Variants in NDST4 observed in about 807,000 individuals in gnomAD.
NDST4 encodes N-deacetylase and N-sulfotransferase 4.
In NDST4, 63 loss-of-function variants were observed where a neutral mutation model predicts 100.8. That is an observed-to-expected ratio of 0.62 (90% CI 0.51 to 0.77). The LOEUF (loss-of-function observed/expected upper bound fraction) is 0.77, where lower values mean the gene tolerates loss of function less well. Ranked by LOEUF, NDST4 falls within the 30% of genes least tolerant of loss-of-function variation. NDST4 has a pLI of 0.00. For missense variants in NDST4, 943 were observed against 1,018.4 expected, an observed-to-expected ratio of 0.93 and a Z score of 1.01; for synonymous variants, 377 against 361.8, an observed-to-expected ratio of 1.04 and a Z score of -0.48.
At chr4:114,839,651 T>A (rs2126183408) in intron 10 of NDST4, 103 bp from the exon 11 acceptor site, 2 of 884,288 alleles carry the variant, frequency 2.3e-6, no homozygotes, top group East Asian at 5.0e-5. Context: ...TTGGTGTGTA[T>A]GTATAAATGT....
intron 3 of NDST4, among the ~76,000 whole-genome samples, chr4:114,975,266 A>G (rs1031593943): frequency 3.3e-5 from 5 of 152,078 alleles, no homozygotes; most frequent in African/African-American, 1.2e-4. Flanking sequence ...TGAAGTAAAT[A>G]TATCCATTAA....
intron 7 of NDST4, among the ~76,000 whole-genome samples, chr4:114,853,043 C>T (rs1413929877): frequency 6.6e-6 from 1 of 152,128 alleles, no homozygotes; most frequent in African/African-American, 2.4e-5. Flanking sequence ...CTGTTGTTAT[C>T]ATCTTTCAGT....
At chr4:115,088,866 A>T (rs941273645) in intron 1 of NDST4, among the ~76,000 whole-genome samples, 1 of 152,030 alleles carries the variant, frequency 6.6e-6, no homozygotes, top group Non-Finnish European at 1.5e-5. Context: ...ACTACCTCAA[A>T]AAAGTCACCC....
At chr4:115,003,608 C>T (rs1256901283) in intron 2 of NDST4, among the ~76,000 whole-genome samples, 1 of 152,030 alleles carries the variant, frequency 6.6e-6, no homozygotes, top group Non-Finnish European at 1.5e-5. Context: ...TGGCTCACGC[C>T]TGTAATCCCA....
intron 2 of NDST4, among the ~76,000 whole-genome samples, chr4:115,044,211 T>C (rs1728413617): frequency 6.6e-6 from 1 of 152,148 alleles, no homozygotes; most frequent in Non-Finnish European, 1.5e-5. Context: ...GTAGGCTAGA[T>C]ATGCTACAGA....
chr4:114,921,915 CTCT>C (rs142140949), intron 6 of NDST4, among the ~76,000 whole-genome samples: 3,134 of 152,128 alleles, frequency 0.021, 100 homozygotes, highest in African/African-American at 0.071. Context: ...TTCTCTCCTC[CTCT>C]TTTCTTGACT....
chr4:115,097,558 T>G (rs1030094551), intron 1 of NDST4, among the ~76,000 whole-genome samples: 2 of 152,152 alleles, frequency 1.3e-5, no homozygotes, highest in African/African-American at 4.8e-5. Flanking sequence ...ACAATTCCCA[T>G]GGCTATCACC....
intron 2 of NDST4, among the ~76,000 whole-genome samples, chr4:115,028,027 T>A (rs1728027074): frequency 6.6e-6 from 1 of 150,472 alleles, no homozygotes; most frequent in Non-Finnish European, 1.5e-5. Context: ...ACCATTACAC[T>A]CCAGCCTGGG....
At chr4:114,860,409 G>A (rs1308682641) in intron 7 of NDST4, among the ~76,000 whole-genome samples, 2 of 152,038 alleles carry the variant, frequency 1.3e-5, no homozygotes, top group Non-Finnish European at 2.9e-5. Flanking sequence ...CAGCTAGAGA[G>A]TATATTTCAC....
chr4:114,963,558 G>T (rs543628315), intron 4 of NDST4, among the ~76,000 whole-genome samples: 1 of 152,150 alleles, frequency 6.6e-6, no homozygotes, highest in Non-Finnish European at 1.5e-5. Flanking sequence ...TACACTTTAC[G>T]TGGGTGAACC....
chr4:114,917,071 C>A (rs1021737272), intron 6 of NDST4, among the ~76,000 whole-genome samples: 3 of 152,066 alleles, frequency 2.0e-5, no homozygotes, highest in Non-Finnish European at 2.9e-5. Context: ...ATGCTCAAGT[C>A]CCTCACATAA....
At chr4:115,010,112 G>C (rs1302637343) in intron 2 of NDST4, among the ~76,000 whole-genome samples, 1 of 125,320 alleles carries the variant, frequency 8.0e-6, no homozygotes, top group African/African-American at 3.1e-5. Context: ...TTCGACCATT[G>C]TGGAAGTCAG....
chr4:114,833,075 A>G (rs572230470), intron 12 of NDST4, among the ~76,000 whole-genome samples: 2 of 152,352 alleles, frequency 1.3e-5, no homozygotes, highest in African/African-American at 4.8e-5. Context: ...CCATGAGCAT[A>G]ATAAAATAAT....
At chr4:115,078,013 C>A (rs1441289753) in intron 1 of NDST4, among the ~76,000 whole-genome samples, 1 of 152,156 alleles carries the variant, frequency 6.6e-6, no homozygotes, top group Non-Finnish European at 1.5e-5. Flanking sequence ...AACTCTTACT[C>A]ATTGTCAATT....
At chr4:114,861,581 T>C (rs1723918669) in intron 7 of NDST4, among the ~76,000 whole-genome samples, 1 of 152,140 alleles carries the variant, frequency 6.6e-6, no homozygotes, top group African/African-American at 2.4e-5. Context: ...GCACCATGTG[T>C]GACTGTCTGT....
At chr4:114,850,620 C>T (rs1204551016) in intron 8 of NDST4, among the ~76,000 whole-genome samples, 1 of 152,036 alleles carries the variant, frequency 6.6e-6, no homozygotes, top group Non-Finnish European at 1.5e-5. Flanking sequence ...GGAAAAAATC[C>T]TATACTAATA....
At chr4:114,987,313 C>A (rs2126249925) in intron 2 of NDST4, among the ~76,000 whole-genome samples, 1 of 152,220 alleles carries the variant, frequency 6.6e-6, no homozygotes, top group South Asian at 2.1e-4. Context: ...GTTCTCTTTG[C>A]ATTTGTTGCA....
intron 4 of NDST4, among the ~76,000 whole-genome samples, chr4:114,962,108 C>A (rs751868002): frequency 6.6e-6 from 1 of 152,004 alleles, no homozygotes; most frequent in Non-Finnish European, 1.5e-5. Flanking sequence ...ATCCAACATC[C>A]TTCTATGATA....
intron 2 of NDST4, among the ~76,000 whole-genome samples, chr4:115,072,187 C>A (rs1729091858): frequency 6.6e-6 from 1 of 152,066 alleles, no homozygotes; most frequent in African/African-American, 2.4e-5. Flanking sequence ...ACAAAATAAT[C>A]TTGAAGGACT....
Sources: allele counts gnomAD v4.1 joint callset (sites outside exome capture counted in the v4.1 genomes callset), GRCh38; gene constraint gnomAD v4.1.1; transcripts MANE v1.5; gene names NCBI Gene and HGNC (gene_info 2026-07-23, HGNC 2026-07-21).